The following CIT variants were observed in gnomAD, a reference collection of about 807,000 sequenced individuals.
The protein encoded by CIT is citron Rho-interacting kinase.
Under a neutral mutation model 272.7 loss-of-function variants are expected in CIT, and 79 were observed. The ratio of observed to expected loss-of-function variants is 0.29; its 90% CI spans 0.24 to 0.35. CIT has a LOEUF of 0.35. Ranked by LOEUF, CIT falls within the 10% of genes least tolerant of loss-of-function variation. CIT has a pLI of 1.00. For missense variants in CIT, 1,909 were observed against 2,618.3 expected, an observed-to-expected ratio of 0.73 and a Z score of 5.91; for synonymous variants, 948 against 995.6, an observed-to-expected ratio of 0.95 and a Z score of 0.90.
chr12:119,855,034 G>A (rs1185378324), intron 4 of CIT, among the ~76,000 whole-genome samples: 1 of 152,162 alleles, frequency 6.6e-6, no homozygotes, highest in African/African-American at 2.4e-5. Flanking sequence ...TGAGGCGGGA[G>A]GGTCGCTTAA....
At chr12:119,731,824 A>G (rs1194515843) in intron 26 of CIT, among the ~76,000 whole-genome samples, 1 of 136,688 alleles carries the variant, frequency 7.3e-6, no homozygotes, top group African/African-American at 2.6e-5. Flanking sequence ...ATATATATAT[A>G]TATATATATA....
intron 28 of CIT, among the ~76,000 whole-genome samples, chr12:119,725,683 A>C (rs1007967968): frequency 6.6e-6 from 1 of 152,192 alleles, no homozygotes; most frequent in Non-Finnish European, 1.5e-5. Flanking sequence ...AAATGTTCTC[A>C]TGTAGGTTAG....
chr12:119,689,708 C>T (rs370867065), intron 47 of CIT, among the ~76,000 whole-genome samples: 24 of 117,504 alleles, frequency 2.0e-4, no homozygotes, highest in African/African-American at 6.9e-4. Flanking sequence ...GACAGAGTCT[C>T]GCTCTGTCAC....
intron 5 of CIT, among the ~76,000 whole-genome samples, chr12:119,847,327 C>G (rs1969882205): frequency 1.3e-5 from 2 of 152,228 alleles, no homozygotes; most frequent in South Asian, 4.1e-4. Context: ...GGCACAGTGG[C>G]TCACGCCTAT....
At chr12:119,863,824 C>T (rs763541007) in intron 3 of CIT, among the ~76,000 whole-genome samples, 13 of 150,668 alleles carry the variant, frequency 8.6e-5, no homozygotes, top group Admixed American at 4.0e-4. Context: ...GCCACCACGC[C>T]GGACCAAAAG....
intron 10 of CIT, among the ~76,000 whole-genome samples, chr12:119,799,934 A>C (rs2137847603): frequency 6.6e-6 from 1 of 151,976 alleles, no homozygotes; most frequent in South Asian, 2.1e-4. Context: ...AAGGAAGCCA[A>C]AAGATTGGAC....
chr12:119,761,804 C>T (rs1189336046), intron 19 of CIT, among the ~76,000 whole-genome samples: 3 of 152,186 alleles, frequency 2.0e-5, no homozygotes, highest in Non-Finnish European at 4.4e-5. Context: ...ACTGTAAGCA[C>T]CTACTGTTCC....
chr12:119,876,791 G>A (rs1262602291), intron 1 of CIT, among the ~76,000 whole-genome samples: 1 of 152,174 alleles, frequency 6.6e-6, no homozygotes, highest in Non-Finnish European at 1.5e-5. Context: ...GGCCTCTCCA[G>A]CAACAGCGAG....
Position 119,713,721 on chromosome 12 carries a change from A to C in CIT, c.4307-73T>G. 1 of 1,519,930 alleles carries C rather than the reference A, an allele frequency of 6.6e-7. No individual in the cohort carries two copies. Among genetic ancestry groups the C allele is most frequent in the Non-Finnish European group, 9.1e-7 (1 of 1,095,980 alleles). The allele number at this position is 1,519,930 out of a possible 1,614,324, so 94.2% of individuals were successfully genotyped here. On this transcript the variant is annotated intron_variant, in intron 33 of 47. Coordinates refer to ENST00000392521, the MANE Select transcript of CIT (RefSeq NM_001206999.2). This position sits in a 1 kb window ranked among gnomAD's most constrained non-coding sequence, Gnocchi z 5.2. ...GACCCTTCCCTTCCTCTGCCAGCCA[A>C]CGCCTGGGCTTCTCTACCCCAGCCG...
At chr12:119,861,324 G>A (rs192218565) in intron 3 of CIT, among the ~76,000 whole-genome samples, 232 of 152,114 alleles carry the variant, frequency 1.5e-3, no homozygotes, top group African/African-American at 5.0e-3. Flanking sequence ...TGTGGCTCAC[G>A]CCTGTAATCC....
intron 5 of CIT, among the ~76,000 whole-genome samples, chr12:119,835,632 A>G (rs2138140870): frequency 6.6e-6 from 1 of 152,222 alleles, no homozygotes; most frequent in African/African-American, 2.4e-5. Flanking sequence ...CTCACAAACT[A>G]CTGCATTCCA....
Position 119,784,758 on chromosome 12 carries a change from T to G in CIT, c.1401+202A>C. 7.1e-7 allele frequency: 1 copy of G among 1,412,368 alleles called. No homozygotes were observed. 87.5% of individuals were successfully genotyped at this position (1,412,368 alleles called of 1,614,324 possible). A position where few individuals can be genotyped will look rare whatever the true frequency, so the allele number is the denominator to read the frequency against. On this transcript the variant is annotated intron_variant, in intron 11 of 47. Transcript: ENST00000392521. This position sits in a 1 kb window ranked among gnomAD's most constrained non-coding sequence, Gnocchi z 4.7. ...AATCCAGGGCCTCCTCTGGTTTAGA[T>G]TTAAAGGATTTACAGCAACAGCAAG...
intron 2 of CIT, among the ~76,000 whole-genome samples, chr12:119,871,313 T>C (rs1950670835): frequency 1.3e-5 from 2 of 152,092 alleles, no homozygotes; most frequent in South Asian, 4.1e-4. Context: ...CAGAACTACC[T>C]AGCTGAGTCC....
At chr12:119,778,430 G>T (rs760323561) in intron 13 of CIT, among the ~76,000 whole-genome samples, 3 of 152,110 alleles carry the variant, frequency 2.0e-5, no homozygotes, top group Non-Finnish European at 2.9e-5. Flanking sequence ...AAAACGAAAT[G>T]AACAAGGAAT....
intron 3 of CIT, among the ~76,000 whole-genome samples, chr12:119,858,581 G>A (rs571629047): frequency 1.3e-5 from 2 of 152,124 alleles, no homozygotes; most frequent in South Asian, 4.2e-4. Flanking sequence ...AGCACTTTGG[G>A]AGGCCGAAGC....
chr12:119,869,261 C>T, intron 2 of CIT, 60 bp from the exon 3 acceptor site: 1 of 1,509,960 alleles, frequency 6.6e-7, no homozygotes, highest in Non-Finnish European at 8.9e-7. Flanking sequence ...TGATCAATAA[C>T]ATCCACACAG....
intron 9 of CIT, among the ~76,000 whole-genome samples, chr12:119,815,028 ACT>A (rs1967020614): frequency 7.3e-6 from 1 of 136,820 alleles, no homozygotes. Context: ...ACAGAGGAAG[ACT>A]CTGTCTCAAA....
Position 119,713,021 on chromosome 12 carries a change from A to G in CIT, c.4579+182T>C. 1 of 639,702 alleles carries G rather than the reference A, an allele frequency of 1.6e-6. No homozygotes were observed. The allele number at this position is 639,702 out of a possible 1,614,324, so 39.6% of individuals were successfully genotyped here. On this transcript the variant is annotated intron_variant, in intron 35 of 47. Transcript: ENST00000392521. This position sits in a 1 kb window ranked among gnomAD's most constrained non-coding sequence, Gnocchi z 5.2. ...GCGCCCTGCGGGTTCTTCAGGGGGG[A>G]GACCTATAGATGTGAGTATCGCACC...
intron 20 of CIT, 84 bp downstream of exon 20, chr12:119,760,855 G>A (rs1200074037): frequency 2.3e-6 from 2 of 880,942 alleles, no homozygotes; most frequent in Non-Finnish European, 3.8e-6. Flanking sequence ...TTCACCAGGT[G>A]AAATAGAGTC....
Sources: gnomAD v4.1 joint callset for allele counts (sites outside exome capture counted in the v4.1 genomes callset) on GRCh38, gnomAD v4.1.1 for gene constraint, Gnocchi (gnomAD v3.1) non-coding constraint, MANE v1.5 for transcripts, NCBI Gene and HGNC (gene_info 2026-07-23, HGNC 2026-07-21) for gene names.